Variants in TRHDE observed in about 807,000 individuals in gnomAD.
TRHDE encodes thyrotropin releasing hormone degrading enzyme.
Under a neutral mutation model 125.7 loss-of-function variants are expected in TRHDE, and 72 were observed. The observed-to-expected ratio is 0.57, with a 90% CI of 0.47 to 0.70. The LOEUF (loss-of-function observed/expected upper bound fraction) is 0.70. Ranked by LOEUF, TRHDE falls within the 30% of genes least tolerant of loss-of-function variation. TRHDE has a pLI of 0.00. For synonymous variants in TRHDE, 509 were observed against 509.1 expected (o/e 1.00, Z 0.00); for missense variants, 1,110 against 1,327.1 (o/e 0.84, Z 2.54).
intron 1 of TRHDE, among the ~76,000 whole-genome samples, chr12:72,102,999 T>A (rs1386069239): frequency 6.6e-6 from 1 of 152,236 alleles, no homozygotes; most frequent in Admixed American, 6.5e-5. Flanking sequence ...CCTTGCTTGC[T>A]TCACATCTTC....
intron 2 of TRHDE, among the ~76,000 whole-genome samples, chr12:72,163,827 A>G (rs114426386): frequency 1.2e-3 from 183 of 152,290 alleles, no homozygotes; most frequent in African/African-American, 4.1e-3. Context: ...GGGTACTCAA[A>G]TCGGCAGAGC....
chr12:72,564,652 A>ATTTTTT (rs1336210594), intron 9 of TRHDE, among the ~76,000 whole-genome samples: 2 of 62,790 alleles, frequency 3.2e-5, no homozygotes, highest in Non-Finnish European at 4.3e-5. Context: ...CATGCGTATG[A>ATTTTTT]ATTTTTTTTT....
At chr12:72,597,758 T>TATACAC (rs1565804834) in intron 12 of TRHDE, among the ~76,000 whole-genome samples, 7 of 20,316 alleles carry the variant, frequency 3.4e-4, no homozygotes, top group South Asian at 2.5e-3. Flanking sequence ...TATATATATA[T>TATACAC]GCATACACAC....
intron 3 of TRHDE, among the ~76,000 whole-genome samples, chr12:72,390,320 A>G (rs1018340272): frequency 6.6e-6 from 1 of 152,202 alleles, no homozygotes; most frequent in African/African-American, 2.4e-5. Flanking sequence ...CTGTTGGTCA[A>G]TCTGGAGTTA....
chr12:72,203,152 A>G (rs907154932), intron 2 of TRHDE, among the ~76,000 whole-genome samples: 1 of 152,064 alleles, frequency 6.6e-6, no homozygotes, highest in Non-Finnish European at 1.5e-5. Flanking sequence ...ATAGAGAGAG[A>G]GAGAGAGGAG....
At chr12:72,368,139 CAGAG>C (rs1871416728) in intron 2 of TRHDE, among the ~76,000 whole-genome samples, 1 of 152,090 alleles carries the variant, frequency 6.6e-6, no homozygotes, top group Admixed American at 6.6e-5. Flanking sequence ...AGGCTTTAGA[CAGAG>C]AGATTTAGTT....
chr12:72,375,109 A>G (rs1168326007), intron 2 of TRHDE, among the ~76,000 whole-genome samples: 1 of 152,132 alleles, frequency 6.6e-6, no homozygotes, highest in African/African-American at 2.4e-5. Context: ...TTAGCCTTGG[A>G]TAGGAGCTTA....
chr12:72,193,329 T>A (rs942299768), intron 2 of TRHDE, among the ~76,000 whole-genome samples: 1 of 152,040 alleles, frequency 6.6e-6, no homozygotes, highest in Non-Finnish European at 1.5e-5. Flanking sequence ...TTTGCATCTG[T>A]AGAACCCCTA....
chr12:72,340,479 C>T (rs573393950), intron 2 of TRHDE, among the ~76,000 whole-genome samples: 2 of 152,218 alleles, frequency 1.3e-5, no homozygotes, highest in East Asian at 1.9e-4. Flanking sequence ...AATGGAAACC[C>T]CACAAATAAC....
intron 1 of TRHDE, among the ~76,000 whole-genome samples, chr12:72,100,971 G>T (rs538975844): frequency 2.0e-4 from 31 of 152,286 alleles, no homozygotes; most frequent in African/African-American, 7.0e-4. Context: ...TGCAAATAAA[G>T]CTGCATGCGA....
intron 6 of TRHDE, among the ~76,000 whole-genome samples, chr12:72,522,566 T>C (rs1187815515): frequency 6.6e-6 from 1 of 152,190 alleles, no homozygotes; most frequent in Non-Finnish European, 1.5e-5. Flanking sequence ...TTGTTAAACA[T>C]CTAGCTTGGA....
rs6582089 is a variant in TRHDE, at chr12:72,272,611, A to G, written c.-33A>G. The G allele has an allele frequency of 0.87, 742,555 of 855,044 alleles. 322,776 individuals carry two copies. Among genetic ancestry groups the G allele is most frequent in the East Asian group, 0.95 (33,164 of 34,798 alleles). The allele number at this position is 855,044 out of a possible 1,614,324, so 53.0% of individuals were successfully genotyped here. ...GGGTGGCCCGCCCGCGGGGGGTGCC[A>G]GAGGGGGCGGGGGAGGAGGAGGAGG... On this transcript the variant is annotated 5_prime_UTR_variant, in exon 1 of 19. Transcript: ENST00000261180. This position sits in a 1 kb window ranked among gnomAD's most constrained non-coding sequence, Gnocchi z 6.7.
chr12:72,658,177 G>C lies in TRHDE; in HGVS notation c.3066+1169G>C, dbSNP rs1046348776. Among the ~76,000 whole-genome samples, 7 of 152,118 alleles carry C rather than the reference G, an allele frequency of 4.6e-5. 1 individual carries two copies. Among genetic ancestry groups the C allele is most frequent in the African/African-American group, 4.8e-5 (2 of 41,486 alleles). On this transcript the variant is annotated intron_variant, in intron 18 of 18. Transcript: ENST00000261180. ...TGAAGGATTAAATTTGAAAGCCCCA[G>C]AACATATTTTACTATTTTTTAAATA...
In TRHDE at chr12:72,359,600, C is replaced by T. The variant is rs377405215; in HGVS notation, c.1189-18395C>T. 9.9e-5 allele frequency among the ~76,000 whole-genome samples: 15 copies of T among 151,662 alleles called. No homozygotes were observed. The East Asian group carries it at 1.6e-3, about 16-fold the overall frequency. ...CTAAACGCAAATCTAATAGAAGTTGCGCAAGGCTTATGTGGAGGAAATCGT... is the reference window on the plus strand; with the variant it reads ...CTAAACGCAAATCTAATAGAAGTTGTGCAAGGCTTATGTGGAGGAAATCGT... On this transcript the variant is annotated intron_variant, in intron 2 of 18. Coordinates refer to ENST00000261180, the MANE Select transcript of TRHDE (RefSeq NM_013381.3).
At position 72,395,922 on chromosome 12, in the gene TRHDE, AT is replaced by A. The variant is rs550062971; in HGVS notation, c.1315+17811del. ...AGCCAATGACCTGGATATTTATTTC[AT>A]TTTTTTTTTGTTTTACAAAAGCAAT... is the stretch of plus-strand genomic sequence containing the variant. On this transcript the variant is annotated intron_variant, in intron 3 of 18. Transcript: ENST00000261180. 6.1e-3 allele frequency among the ~76,000 whole-genome samples: 897 copies of A among 148,238 alleles called. 3 individuals carry two copies. The highest frequency in any genetic ancestry group is 0.014 in the Middle Eastern group (4 of 284).
intron 2 of TRHDE, chr12:72,255,272 C>T (rs1221450690): frequency 6.6e-6 from 1 of 152,186 alleles, no homozygotes; most frequent in African/African-American, 2.4e-5. Flanking sequence ...ATCACTGTGT[C>T]AACCACAAGG....
intron 7 of TRHDE, among the ~76,000 whole-genome samples, chr12:72,561,373 C>G (rs1371339204): frequency 6.6e-6 from 1 of 152,092 alleles, no homozygotes; most frequent in Non-Finnish European, 1.5e-5. Flanking sequence ...CGAGGAGGGA[C>G]TTTTACAATA....
chr12:72,500,535 G>T (rs1165416707), intron 6 of TRHDE, among the ~76,000 whole-genome samples: 1 of 152,054 alleles, frequency 6.6e-6, no homozygotes, highest in Non-Finnish European at 1.5e-5. Flanking sequence ...GGGACTGCAG[G>T]CATGTTCCAC....
chr12:72,462,159 T>G (rs1461997255), intron 3 of TRHDE, among the ~76,000 whole-genome samples: 1 of 152,136 alleles, frequency 6.6e-6, no homozygotes, highest in South Asian at 2.1e-4. Flanking sequence ...TGGATTGTGA[T>G]TGAGATGCTG....
Sources: gnomAD v4.1 joint callset for allele counts (sites outside exome capture counted in the v4.1 genomes callset) on GRCh38, gnomAD v4.1.1 for gene constraint, Gnocchi (gnomAD v3.1) non-coding constraint, MANE v1.5 for transcripts, NCBI Gene and HGNC (gene_info 2026-07-23, HGNC 2026-07-21) for gene names.